The following IFT43 variants were observed in gnomAD, a reference collection of about 807,000 sequenced individuals.
The protein encoded by IFT43 is intraflagellar transport protein 43 homolog.
Under a neutral mutation model 32.3 loss-of-function variants are expected in IFT43, and 33 were observed. That is an observed-to-expected ratio of 1.02 (90% CI 0.77 to 1.37). IFT43 has a LOEUF of 1.37. Among genes scored for constraint, IFT43 ranks in the 40% most tolerant of loss-of-function variants. IFT43 has a pLI of 0.00. For missense variants in IFT43, 274 were observed against 265.9 expected, an observed-to-expected ratio of 1.03 and a Z score of -0.21; for synonymous variants, 93 against 98.2, an observed-to-expected ratio of 0.95 and a Z score of 0.31.
chr14:75,986,068 C>G lies in IFT43; in HGVS notation c.54+228C>G. On this transcript the variant is annotated intron_variant, in intron 1 of 8. Coordinates refer to ENST00000314067, the MANE Select transcript of IFT43 (RefSeq NM_001102564.3). ...AAATCCTCAGAAAGTAGAAAACACC[C>G]TGTCCCCGCCGGCGTCTAGGACCGT... The G allele has an allele frequency of 2.0e-6, 3 of 1,494,050 alleles. No individual in the cohort carries two copies. In the Admixed American group the frequency reaches 6.1e-5, roughly 30 times the overall value. The allele number at this position is 1,494,050 out of a possible 1,614,324, so 92.5% of individuals were successfully genotyped here. A position where few individuals can be genotyped will look rare whatever the true frequency, so the allele number is the denominator to read the frequency against.
chr14:76,082,825 C>A, intron 7 of IFT43, 133 bp downstream of exon 7: 1 of 767,874 alleles, frequency 1.3e-6, no homozygotes, highest in Non-Finnish European at 2.4e-6. Flanking sequence ...GGCACCCATA[C>A]CTCTGCTGCA....
At chr14:76,029,610 G>A (rs929616855) in intron 3 of IFT43, among the ~76,000 whole-genome samples, 1 of 151,990 alleles carries the variant, frequency 6.6e-6, no homozygotes, top group African/African-American at 2.4e-5. Flanking sequence ...CATTTAAGTC[G>A]TTGATCCATC....
intron 8 of IFT43, 76 bp downstream of exon 8, chr14:76,083,365 T>G (rs1389358555): frequency 2.5e-6 from 4 of 1,612,352 alleles, no homozygotes; most frequent in Admixed American, 3.3e-5. Flanking sequence ...GGCTGGCCTG[T>G]GCCTCCCTGA....
At chr14:76,072,420 A>C (rs2037337734) in intron 5 of IFT43, among the ~76,000 whole-genome samples, 1 of 152,168 alleles carries the variant, frequency 6.6e-6, no homozygotes, top group African/African-American at 2.4e-5. Context: ...TATGCCCTGA[A>C]ATGTCTGGGT....
At chr14:76,063,624 CCA>C (rs2037180554) in intron 5 of IFT43, among the ~76,000 whole-genome samples, 2 of 152,160 alleles carry the variant, frequency 1.3e-5, no homozygotes, top group Non-Finnish European at 2.9e-5. Flanking sequence ...AACAGTAGTA[CCA>C]TGTATTTTTC....
At chr14:76,003,174 A>G (rs1466514135) in intron 2 of IFT43, among the ~76,000 whole-genome samples, 1 of 152,224 alleles carries the variant, frequency 6.6e-6, no homozygotes, top group Non-Finnish European at 1.5e-5. Context: ...TTTACCCAGT[A>G]TAATAGAGAG....
At chr14:76,003,696 C>T (rs901220625) in intron 2 of IFT43, among the ~76,000 whole-genome samples, 2 of 151,958 alleles carry the variant, frequency 1.3e-5, no homozygotes, top group Non-Finnish European at 2.9e-5. Flanking sequence ...GTCCATTTGT[C>T]CCCCCAGTCC....
At chr14:76,050,178 G>T (rs1202855250) in intron 3 of IFT43, among the ~76,000 whole-genome samples, 2 of 152,166 alleles carry the variant, frequency 1.3e-5, no homozygotes, top group African/African-American at 4.8e-5. Flanking sequence ...AGCTAGAATG[G>T]CTGGTTCCCT....
At chr14:76,001,800 T>A (rs1247213534) in intron 2 of IFT43, among the ~76,000 whole-genome samples, 1 of 152,060 alleles carries the variant, frequency 6.6e-6, no homozygotes, top group East Asian at 1.9e-4. Context: ...TGCTGAGTAA[T>A]CCCATGGCAG....
rs1379761531 is a variant in IFT43, at chr14:76,000,856, C to G, written c.147+11879C>G. Among the ~76,000 whole-genome samples the G allele has an allele frequency of 2.6e-5, 4 of 152,272 alleles. No homozygotes were observed. In the East Asian group the frequency reaches 7.7e-4, roughly 29 times the overall value. On this transcript the variant is annotated intron_variant, in intron 2 of 8. Transcript: ENST00000314067. The stretch of plus-strand genomic sequence containing the variant: ...GAGACTGAGAATTTAAGAGTCTTAG[C>G]AGTTGGTGAACAAGAAAGGATAATT...
intron 4 of IFT43, 130 bp downstream of exon 4, chr14:76,058,804 T>C (rs532425705): frequency 1.3e-6 from 2 of 1,581,008 alleles, no homozygotes; most frequent in Non-Finnish European, 1.7e-6. Flanking sequence ...GAATTATTGA[T>C]GCCTGCTGAA....
In IFT43 at chr14:76,033,409, G is replaced by A. The variant is rs376943325; in HGVS notation, c.215+11015G>A. 3.3e-5 allele frequency among the ~76,000 whole-genome samples: 5 copies of A among 152,300 alleles called. No homozygotes were observed. In the South Asian group the frequency reaches 1.0e-3, roughly 32 times the overall value. Reference sequence around the variant, plus strand: ...ATTGACCTTGGACAGGAGGAAGTAGGGCGGATAGTTTTCCTCCAAAACAGA... The same window carrying A: ...ATTGACCTTGGACAGGAGGAAGTAGAGCGGATAGTTTTCCTCCAAAACAGA... On this transcript the variant is annotated intron_variant, in intron 3 of 8. Coordinates refer to ENST00000314067, the MANE Select transcript of IFT43 (RefSeq NM_001102564.3).
intron 3 of IFT43, among the ~76,000 whole-genome samples, chr14:76,050,240 A>T (rs771833759): frequency 6.6e-6 from 1 of 152,226 alleles, no homozygotes; most frequent in Non-Finnish European, 1.5e-5. Context: ...TGTCCTGTCA[A>T]ATCTGGGGCT....
intron 2 of IFT43, among the ~76,000 whole-genome samples, chr14:75,999,892 G>T (rs1046508373): frequency 3.9e-5 from 6 of 152,204 alleles, no homozygotes; most frequent in African/African-American, 1.2e-4. Flanking sequence ...AGCCCACAAA[G>T]ATTTTAAAGC....
Position 76,004,777 on chromosome 14 carries a change from A to G in IFT43, c.147+15800A>G, listed in dbSNP as rs187111523. ...TTGTCCTTCAGATTGGGTATTTTCT[A>G]TTGGTCTGTCTTTAAGTTCACTGAT... On this transcript the variant is annotated intron_variant, in intron 2 of 8. Transcript: ENST00000314067. 6.6e-5 allele frequency among the ~76,000 whole-genome samples: 10 copies of G among 151,636 alleles called. 1 individual carries two copies. The highest frequency in any genetic ancestry group is 1.2e-4 in the African/African-American group (5 of 41,378).
At chr14:75,993,576 G>C (rs2035683590) in intron 2 of IFT43, among the ~76,000 whole-genome samples, 1 of 152,178 alleles carries the variant, frequency 6.6e-6, no homozygotes, top group South Asian at 2.1e-4. Flanking sequence ...TATTGAATCT[G>C]GTTGCCTACA....
intron 5 of IFT43, among the ~76,000 whole-genome samples, chr14:76,064,312 A>C (rs1477254080): frequency 6.6e-6 from 1 of 152,120 alleles, no homozygotes; most frequent in African/African-American, 2.4e-5. Flanking sequence ...CTAAATTGTC[A>C]CCTCAGAGAT....
intron 3 of IFT43, among the ~76,000 whole-genome samples, chr14:76,030,929 A>C (rs1365941548): frequency 6.6e-6 from 1 of 150,810 alleles, no homozygotes; most frequent in African/African-American, 2.4e-5. Context: ...CATCCTCTCC[A>C]CCTCATTCCC....
chr14:75,986,082 G>C, intron 1 of IFT43: 4 of 1,473,760 alleles, frequency 2.7e-6, no homozygotes, highest in East Asian at 5.6e-5. Context: ...CCCCGCCGGC[G>C]TCTAGGACCG....
Sources: allele counts gnomAD v4.1 joint callset (sites outside exome capture counted in the v4.1 genomes callset), GRCh38; gene constraint gnomAD v4.1.1; transcripts MANE v1.5; gene names NCBI Gene and HGNC (gene_info 2026-07-23, HGNC 2026-07-21).